The following KHDRBS2 variants were observed in gnomAD, a reference collection of about 807,000 sequenced individuals.
The protein encoded by KHDRBS2 is KH domain-containing, RNA-binding, signal transduction-associated protein 2.
A neutral mutation model predicts 44.3 loss-of-function variants in KHDRBS2; 26 were observed. The observed-to-expected ratio is 0.59, with a 90% CI of 0.43 to 0.81. The LOEUF is 0.81. Among genes scored for constraint, KHDRBS2 ranks in the 40% least tolerant of loss-of-function variants. The pLI, the probability that KHDRBS2 is intolerant of heterozygous loss-of-function variation, is 0.00. For missense variants in KHDRBS2, 476 were observed against 433.1 expected, an observed-to-expected ratio of 1.10 and a Z score of -0.88; for synonymous variants, 194 against 151.1, an observed-to-expected ratio of 1.28 and a Z score of -2.08.
At chr6:62,166,641 T>C (rs1409209717) in intron 2 of KHDRBS2, among the ~76,000 whole-genome samples, 2 of 152,072 alleles carry the variant, frequency 1.3e-5, no homozygotes, top group East Asian at 3.8e-4. Context: ...TAGAAAGTTT[T>C]ATTTTTCTCC....
intron 6 of KHDRBS2, among the ~76,000 whole-genome samples, chr6:61,770,942 T>A (rs1399267884): frequency 1.3e-5 from 2 of 152,130 alleles, no homozygotes; most frequent in African/African-American, 4.8e-5. Flanking sequence ...GAGAGAAAGG[T>A]CAGGTTACCC....
chr6:62,123,346 C>T (rs1388087038), intron 2 of KHDRBS2, among the ~76,000 whole-genome samples: 1 of 152,072 alleles, frequency 6.6e-6, no homozygotes, highest in African/African-American at 2.4e-5. Context: ...GTGAATAGTG[C>T]CGTAATAAAC....
the KHDRBS2 span, among the ~76,000 whole-genome samples, chr6:61,639,832 A>T: frequency 6.6e-6 from 1 of 152,234 alleles, no homozygotes; most frequent in African/African-American, 2.4e-5. Flanking sequence ...ATGGTGTGAC[A>T]ACCTGGTTAT....
At position 62,198,175 on chromosome 6, in the gene KHDRBS2, G is replaced by C. The variant is rs561974015; in HGVS notation, c.92-20863C>G. ...TGACACCCTAACATCACAATTAAAA[G>C]AACTAGAGAAGCAAGAGCAAACACA... On this transcript the variant is annotated intron_variant, in intron 1 of 8. Transcript: ENST00000281156. Among the ~76,000 whole-genome samples the C allele has an allele frequency of 2.0e-5, 3 of 152,148 alleles. No individual in the cohort carries two copies. The South Asian group carries it at 6.2e-4, about 32-fold the overall frequency.
chr6:61,621,830 C>A, the KHDRBS2 span, among the ~76,000 whole-genome samples: 10 of 152,296 alleles, frequency 6.6e-5, no homozygotes, highest in South Asian at 4.1e-4. Flanking sequence ...AAGAGAGCTT[C>A]TCTTGCTAGC....
chr6:61,600,420 C>G, the KHDRBS2 span, among the ~76,000 whole-genome samples: 1 of 152,152 alleles, frequency 6.6e-6, no homozygotes, highest in African/African-American at 2.4e-5. Flanking sequence ...AGCTTCCCAA[C>G]TGAGCACCTT....
intron 2 of KHDRBS2, among the ~76,000 whole-genome samples, chr6:62,158,759 A>G (rs1816992872): frequency 6.6e-6 from 1 of 152,080 alleles, no homozygotes; most frequent in Admixed American, 6.6e-5. Flanking sequence ...TACATTCTAA[A>G]CAATACCTTC....
Position 61,988,471 on chromosome 6 carries a change from G to C in KHDRBS2, c.337-10259C>G, listed in dbSNP as rs564279376. ...TCTCAATTCCAACTGGATACAAATGGGCTTTCTTAGGGTTCAGTAGAAGAA... is the reference window on the plus strand; with the variant it reads ...TCTCAATTCCAACTGGATACAAATGCGCTTTCTTAGGGTTCAGTAGAAGAA... On this transcript the variant is annotated intron_variant, in intron 3 of 8. Coordinates refer to ENST00000281156, the MANE Select transcript of KHDRBS2 (RefSeq NM_152688.4). 4.6e-5 allele frequency among the ~76,000 whole-genome samples: 7 copies of C among 152,172 alleles called. No homozygotes were observed. The South Asian group carries it at 1.5e-3, about 32-fold the overall frequency.
At chr6:62,125,496 C>T (rs377668920) in intron 2 of KHDRBS2, among the ~76,000 whole-genome samples, 2 of 152,294 alleles carry the variant, frequency 1.3e-5, no homozygotes, top group African/African-American at 4.8e-5. Flanking sequence ...GGGCAAACAA[C>T]TCAGTGAGAT....
intron 1 of KHDRBS2, among the ~76,000 whole-genome samples, chr6:62,243,135 A>C (rs1834963600): frequency 6.6e-6 from 1 of 152,118 alleles, no homozygotes; most frequent in Non-Finnish European, 1.5e-5. Context: ...TACATACAAT[A>C]TATGCTCTAG....
intron 4 of KHDRBS2, among the ~76,000 whole-genome samples, chr6:61,942,124 T>TAA (rs74662367): frequency 1.3e-5 from 2 of 150,936 alleles, no homozygotes; most frequent in South Asian, 4.2e-4. Flanking sequence ...CCTACCCAAT[T>TAA]AAAAAAAAGA....
chr6:62,186,648 G>T (rs1269797158), intron 1 of KHDRBS2, among the ~76,000 whole-genome samples: 7 of 151,996 alleles, frequency 4.6e-5, no homozygotes. Context: ...AGAATAGGGT[G>T]TGGTATAAAT....
chr6:61,598,934 C>T, the KHDRBS2 span, among the ~76,000 whole-genome samples: 2 of 134,524 alleles, frequency 1.5e-5, no homozygotes, highest in African/African-American at 5.5e-5. Context: ...TGTTTTTCTG[C>T]TTGTTTTTGT....
intron 3 of KHDRBS2, among the ~76,000 whole-genome samples, chr6:61,981,704 CAG>C (rs984908464): frequency 5.6e-4 from 86 of 152,248 alleles, no homozygotes; most frequent in African/African-American, 2.1e-3. Context: ...TTAGATTTTT[CAG>C]AGAGCCCCTG....
At chr6:61,613,252 C>T in the KHDRBS2 span, among the ~76,000 whole-genome samples, 1 of 152,160 alleles carries the variant, frequency 6.6e-6, no homozygotes, top group Non-Finnish European at 1.5e-5. Flanking sequence ...GGCATATTTC[C>T]TGCGATAACT....
At chr6:62,235,070 C>CTT (rs10570985) in intron 1 of KHDRBS2, among the ~76,000 whole-genome samples, 1,091 of 106,886 alleles carry the variant, frequency 0.01, 30 homozygotes, top group African/African-American at 0.012. Flanking sequence ...TCCATTTAGG[C>CTT]TTTTTTTTTT....
rs1562513832 is a variant in KHDRBS2 at position 61,954,850 on chromosome 6, G to GTGTATA, written c.483+23215_483+23216insTATACA. Among the ~76,000 whole-genome samples the GTGTATA allele has an allele frequency of 6.0e-4, 26 of 43,534 alleles. 2 individuals are homozygous for GTGTATA. The highest frequency in any genetic ancestry group is 2.3e-3 in the African/African-American group (24 of 10,460). 28.6% of individuals were successfully genotyped at this position (43,534 alleles called of 152,430 possible). On this transcript the variant is annotated intron_variant, in intron 4 of 8. Coordinates refer to ENST00000281156, the MANE Select transcript of KHDRBS2 (RefSeq NM_152688.4). ...CACATGCATATGTATGTATACATAT[G>GTGTATA]CATGTGTATATACACATACATATGT...
intron 4 of KHDRBS2, among the ~76,000 whole-genome samples, chr6:61,954,054 G>C (rs12204931): frequency 0.19 from 28,632 of 152,118 alleles, 3,112 homozygotes; most frequent in East Asian, 0.31. Context: ...ATCAAGGTCT[G>C]TCAAATAGTA....
chr6:61,725,503 G>A (rs540246342), intron 7 of KHDRBS2, among the ~76,000 whole-genome samples: 178 of 152,050 alleles, frequency 1.2e-3, no homozygotes, highest in Admixed American at 2.4e-3. Flanking sequence ...ATGAATCCAG[G>A]AGCTGGTTTT....
Sources: allele counts gnomAD v4.1 joint callset (sites outside exome capture counted in the v4.1 genomes callset), GRCh38; gene constraint gnomAD v4.1.1; transcripts MANE v1.5; gene names NCBI Gene and HGNC (gene_info 2026-07-23, HGNC 2026-07-21).